Variants in PAPSS1 observed in about 807,000 individuals in gnomAD.
PAPSS1 encodes the protein 3'-phosphoadenosine 5'-phosphosulfate synthase 1.
A neutral mutation model predicts 72.0 loss-of-function variants in PAPSS1; 50 were observed. That is an observed-to-expected ratio of 0.69 (90% confidence interval 0.55 to 0.88). The LOEUF is 0.88. Ranked by LOEUF, PAPSS1 falls within the 40% of genes least tolerant of loss-of-function variation. The pLI, the probability that PAPSS1 is intolerant of heterozygous loss-of-function variation, is 0.00. For synonymous variants in PAPSS1, 261 were observed against 263.6 expected (o/e 0.99, Z 0.09); for missense variants, 657 against 782.2 (o/e 0.84, Z 1.91).
chr4:107,641,732 C>G (rs1726550025), intron 10 of PAPSS1, among the ~76,000 whole-genome samples: 1 of 152,144 alleles, frequency 6.6e-6, no homozygotes, highest in Non-Finnish European at 1.5e-5. Context: ...TATCCCAAAT[C>G]AGGGCTAGGA....
chr4:107,634,071 G>A (rs1426071000), intron 10 of PAPSS1, among the ~76,000 whole-genome samples: 1 of 152,112 alleles, frequency 6.6e-6, no homozygotes, highest in African/African-American at 2.4e-5. Context: ...AGGCTGGAGT[G>A]CAGTGGTGCA....
chr4:107,676,015 G>T (rs949425532), intron 5 of PAPSS1, among the ~76,000 whole-genome samples: 1 of 152,228 alleles, frequency 6.6e-6, no homozygotes, highest in East Asian at 1.9e-4. Context: ...AATAAATTAG[G>T]TATTGATGGG....
chr4:107,632,011 A>G (rs558731050), intron 10 of PAPSS1, 151 bp from the exon 11 acceptor site: 1 of 610,384 alleles, frequency 1.6e-6, no homozygotes, highest in African/African-American at 1.8e-5. Flanking sequence ...GAAGCCAGAA[A>G]CAAAACTAAC....
rs776430213 is a variant in PAPSS1, at chr4:107,720,224, G to A, written c.-45C>T. ...CAGCCGGGGTTCTCTGCGCCGGGAG[G>A]GTAGCAAGAGGAGGGCAGGCCAGCG... On this transcript the variant is annotated 5_prime_UTR_variant, in exon 1 of 12. Transcript: ENST00000265174. 5.7e-6 allele frequency: 9 copies of A among 1,570,664 alleles called. No homozygotes were observed. The East Asian group carries it at 9.6e-5, about 17-fold the overall frequency.
intron 4 of PAPSS1, among the ~76,000 whole-genome samples, chr4:107,685,871 G>A (rs550459488): frequency 6.6e-6 from 1 of 152,230 alleles, no homozygotes; most frequent in Admixed American, 6.5e-5. Flanking sequence ...GCTCCTGGGA[G>A]TTTCTGTGAC....
chr4:107,672,923 C>A (rs1013980097), intron 5 of PAPSS1, among the ~76,000 whole-genome samples: 1 of 152,140 alleles, frequency 6.6e-6, no homozygotes, highest in Non-Finnish European at 1.5e-5. Flanking sequence ...TGTTCTGCAG[C>A]CTCCGCTGCT....
rs80293572 is a variant in PAPSS1 at position 107,683,745 on chromosome 4, T to C, written c.551-1612A>G. On this transcript the variant is annotated intron_variant, in intron 4 of 11. Coordinates refer to ENST00000265174, the MANE Select transcript of PAPSS1 (RefSeq NM_005443.5). ...ATGGTTAATACAAGGATATACTGAC[T>C]GTCCGATAAATGTCATGTAAAGGTC... Among the ~76,000 whole-genome samples the C allele has an allele frequency of 9.8e-3, 1,492 of 152,300 alleles. 24 individuals carry two copies. Among genetic ancestry groups the C allele is most frequent in the African/African-American group, 0.033 (1,356 of 41,550 alleles).
chr4:107,694,014 T>A lies in PAPSS1; in HGVS notation c.176-8A>T. 6.4e-7 allele frequency: 1 copy of A among 1,573,250 alleles called. No homozygotes were observed. Among genetic ancestry groups the A allele is most frequent in the Non-Finnish European group, 8.7e-7 (1 of 1,144,986 alleles). On this transcript the variant is annotated splice_region_variant and splice_polypyrimidine_tract_variant and intron_variant, in intron 2 of 11. Coordinates refer to ENST00000265174, the MANE Select transcript of PAPSS1 (RefSeq NM_005443.5). Reference sequence around the variant, plus strand: ...TTCCCGCTCCAGACAAGCCTAAAATTAAACAGTCCAAACAGATTCCATGTG... The same window carrying A: ...TTCCCGCTCCAGACAAGCCTAAAATAAAACAGTCCAAACAGATTCCATGTG...
At chr4:107,662,775 C>A (rs1378351824) in intron 5 of PAPSS1, among the ~76,000 whole-genome samples, 5 of 152,108 alleles carry the variant, frequency 3.3e-5, no homozygotes, top group Admixed American at 1.3e-4. Flanking sequence ...TTATCACTGT[C>A]ATTTTTCTGT....
At chr4:107,635,157 A>G (rs1009617255) in intron 10 of PAPSS1, among the ~76,000 whole-genome samples, 12 of 152,084 alleles carry the variant, frequency 7.9e-5, no homozygotes, top group Admixed American at 3.3e-4. Context: ...TATTTTTTAT[A>G]TTCTATTAGC....
intron 8 of PAPSS1, among the ~76,000 whole-genome samples, chr4:107,654,351 C>A (rs376836728): frequency 2.0e-5 from 3 of 152,148 alleles, no homozygotes; most frequent in African/African-American, 7.2e-5. Context: ...TTAGCCTCTA[C>A]CTCACACGCT....
intron 3 of PAPSS1, 86 bp from the exon 4 acceptor site, chr4:107,687,263 T>C (rs1260972816): frequency 5.1e-6 from 5 of 972,440 alleles, no homozygotes; most frequent in Admixed American, 3.8e-5. Flanking sequence ...GTGCTTCTCA[T>C]CCAATTTAGT....
At chr4:107,684,227 T>A (rs1443716661) in intron 4 of PAPSS1, among the ~76,000 whole-genome samples, 1 of 152,188 alleles carries the variant, frequency 6.6e-6, no homozygotes, top group South Asian at 2.1e-4. Flanking sequence ...TGATTTTTTA[T>A]CTTGCCCAAA....
At chr4:107,664,209 T>C (rs1050961225) in intron 5 of PAPSS1, among the ~76,000 whole-genome samples, 5 of 152,210 alleles carry the variant, frequency 3.3e-5, no homozygotes, top group African/African-American at 1.2e-4. Context: ...AGAAAAACTC[T>C]ATATAAAGCT....
chr4:107,680,295 A>G (rs1029652510), intron 5 of PAPSS1, among the ~76,000 whole-genome samples: 1 of 152,144 alleles, frequency 6.6e-6, no homozygotes, highest in Non-Finnish European at 1.5e-5. Context: ...AAATCCAAGG[A>G]GTACCACAAA....
At chr4:107,679,681 CTT>C (rs61604092) in intron 5 of PAPSS1, among the ~76,000 whole-genome samples, 41 of 142,278 alleles carry the variant, frequency 2.9e-4, no homozygotes, top group Non-Finnish European at 3.6e-4. Flanking sequence ...TGAGGCAGGA[CTT>C]TTTTTTTTTT....
chr4:107,628,311 T>A (rs1726149460), intron 11 of PAPSS1, among the ~76,000 whole-genome samples: 1 of 152,240 alleles, frequency 6.6e-6, no homozygotes, highest in Admixed American at 6.5e-5. Context: ...AGACAACTTA[T>A]CATTTATTTC....
rs190360078 is a variant in PAPSS1, at chr4:107,654,210, C to A, written c.1101+485G>T. 1.7e-4 allele frequency among the ~76,000 whole-genome samples: 26 copies of A among 152,290 alleles called. No homozygotes were observed. The East Asian group carries it at 5.0e-3, about 29-fold the overall frequency. On this transcript the variant is annotated intron_variant, in intron 8 of 11. Transcript: ENST00000265174. ...GCTTCTTTCTCAGTCTACCTTAACA[C>A]ACCTAACAACTGACAGAAATTTGAC...
chr4:107,640,979 C>T (rs1255796508), intron 10 of PAPSS1, among the ~76,000 whole-genome samples: 1 of 152,078 alleles, frequency 6.6e-6, no homozygotes, highest in Non-Finnish European at 1.5e-5. Flanking sequence ...TGCCAAAGCA[C>T]AAAGCTACTT....
Sources: gnomAD v4.1 joint callset for allele counts (sites outside exome capture counted in the v4.1 genomes callset) on GRCh38, gnomAD v4.1.1 for gene constraint, MANE v1.5 for transcripts, NCBI Gene and HGNC (gene_info 2026-07-23, HGNC 2026-07-21) for gene names.